ATG5: variants seen among roughly 807,000 people sequenced by gnomAD.
ATG5 encodes autophagy related 5.
A neutral mutation model predicts 36.5 loss-of-function variants in ATG5; 14 were observed. The ratio of observed to expected loss-of-function variants is 0.38; its 90% CI spans 0.25 to 0.60. The LOEUF is 0.60. Ranked by LOEUF, ATG5 falls within the 20% of genes least tolerant of loss-of-function variation. The pLI is 0.60. For synonymous variants in ATG5, 95 were observed against 101.5 expected, an observed-to-expected ratio of 0.94 and a Z score of 0.38; for missense variants, 195 against 326.7, an observed-to-expected ratio of 0.60 and a Z score of 3.11.
chr6:106,227,176 AAGAG>A (rs1489567127), intron 6 of ATG5, among the ~76,000 whole-genome samples: 1 of 152,326 alleles, frequency 6.6e-6, no homozygotes, highest in East Asian at 1.9e-4. Flanking sequence ...CTGAAATATA[AAGAG>A]AGACTCTCAA....
chr6:106,296,277 T>C (rs1181390546), intron 3 of ATG5, among the ~76,000 whole-genome samples: 3 of 152,174 alleles, frequency 2.0e-5, no homozygotes, highest in African/African-American at 4.8e-5. Flanking sequence ...CTGGACACTT[T>C]TATAAATCTA....
At chr6:106,325,065 C>A (rs2114698024) in intron 1 of ATG5, among the ~76,000 whole-genome samples, 1 of 152,332 alleles carries the variant, frequency 6.6e-6, no homozygotes, top group East Asian at 1.9e-4. Context: ...GTAAAAGTGT[C>A]TTGCCAACAG....
chr6:106,202,252 A>C (rs1776461673), intron 6 of ATG5, 163 bp from the exon 7 acceptor site: 1 of 500,156 alleles, frequency 2.0e-6, no homozygotes, highest in African/African-American at 1.9e-5. Flanking sequence ...AAAATGTTTA[A>C]CATGATAAAT....
At chr6:106,284,630 TA>T (rs1780005175) in intron 4 of ATG5, among the ~76,000 whole-genome samples, 1 of 152,118 alleles carries the variant, frequency 6.6e-6, no homozygotes, top group Non-Finnish European at 1.5e-5. Flanking sequence ...GCTGGGATTA[TA>T]GGCATGAGCC....
intron 6 of ATG5, among the ~76,000 whole-genome samples, chr6:106,232,854 C>G (rs776541688): frequency 1.4e-4 from 22 of 152,126 alleles, no homozygotes; most frequent in Non-Finnish European, 2.9e-4. Flanking sequence ...CTTAAGGATG[C>G]CTTTTTCTGC....
intron 6 of ATG5, among the ~76,000 whole-genome samples, chr6:106,218,751 T>C (rs1292626702): frequency 1.3e-5 from 2 of 152,178 alleles, no homozygotes; most frequent in Non-Finnish European, 2.9e-5. Flanking sequence ...ACTTTAAACA[T>C]GTATGCAGAG....
At chr6:106,294,355 G>A (rs1271728310) in intron 3 of ATG5, among the ~76,000 whole-genome samples, 1 of 151,828 alleles carries the variant, frequency 6.6e-6, no homozygotes, top group Non-Finnish European at 1.5e-5. Context: ...CTCTGGGCAC[G>A]ATGCTTATGG....
chr6:106,193,900 G>A (rs773427639), intron 7 of ATG5, among the ~76,000 whole-genome samples: 1 of 152,208 alleles, frequency 6.6e-6, no homozygotes, highest in Non-Finnish European at 1.5e-5. Flanking sequence ...ATTTTGGTAA[G>A]AGAATTTTGT....
intron 2 of ATG5, among the ~76,000 whole-genome samples, chr6:106,314,327 C>T (rs760246834): frequency 5.9e-5 from 9 of 152,082 alleles, no homozygotes; most frequent in African/African-American, 1.4e-4. Context: ...AAGGCCGAGG[C>T]GGGCAGATCA....
intron 5 of ATG5, among the ~76,000 whole-genome samples, chr6:106,273,535 G>A (rs571168641): frequency 6.6e-6 from 1 of 152,160 alleles, no homozygotes. Flanking sequence ...TACCACCTTC[G>A]TATTTGTAAT....
At chr6:106,194,752 G>A (rs1776110631) in intron 7 of ATG5, among the ~76,000 whole-genome samples, 1 of 152,054 alleles carries the variant, frequency 6.6e-6, no homozygotes, top group African/African-American at 2.4e-5. Flanking sequence ...GGTCAGGCTG[G>A]TCTCTAACTC....
intron 3 of ATG5, among the ~76,000 whole-genome samples, chr6:106,302,984 T>C (rs577745538): frequency 6.6e-6 from 1 of 152,156 alleles, no homozygotes; most frequent in South Asian, 2.1e-4. Flanking sequence ...TTTTGTTACA[T>C]GCATTTTACT....
At chr6:106,290,957 A>AATAC (rs1780283094) in intron 4 of ATG5, among the ~76,000 whole-genome samples, 1 of 152,236 alleles carries the variant, frequency 6.6e-6, no homozygotes, top group South Asian at 2.1e-4. Flanking sequence ...ACTGACAACA[A>AATAC]ATACTATCAC....
At chr6:106,214,198 C>T (rs1776954464) in intron 6 of ATG5, among the ~76,000 whole-genome samples, 1 of 152,058 alleles carries the variant, frequency 6.6e-6, no homozygotes, top group South Asian at 2.1e-4. Flanking sequence ...TTAAAATTAG[C>T]TTAAGAATGT....
intron 1 of ATG5, among the ~76,000 whole-genome samples, chr6:106,319,960 T>C (rs1437366644): frequency 6.6e-6 from 1 of 152,216 alleles, no homozygotes; most frequent in Non-Finnish European, 1.5e-5. Flanking sequence ...TAACAGTAGA[T>C]TATATACTAC....
intron 3 of ATG5, among the ~76,000 whole-genome samples, chr6:106,302,220 C>CA (rs1318195589): frequency 1.3e-5 from 2 of 151,828 alleles, no homozygotes; most frequent in African/African-American, 4.8e-5. Context: ...CTGGAAAGAG[C>CA]AAAAAAGATT....
At chr6:106,193,146 T>C (rs1227858905) in intron 7 of ATG5, among the ~76,000 whole-genome samples, 1 of 152,178 alleles carries the variant, frequency 6.6e-6, no homozygotes, top group Non-Finnish European at 1.5e-5. Context: ...AATGAACATA[T>C]ACAAGCTTAC....
chr6:106,206,304 G>C (rs1181328034), intron 6 of ATG5, among the ~76,000 whole-genome samples: 1 of 152,170 alleles, frequency 6.6e-6, no homozygotes, highest in African/African-American at 2.4e-5. Flanking sequence ...CTGAAGCAGA[G>C]AGCAGCCCTC....
intron 6 of ATG5, among the ~76,000 whole-genome samples, chr6:106,221,434 C>T (rs1269454767): frequency 6.6e-6 from 1 of 151,920 alleles, no homozygotes; most frequent in African/African-American, 2.4e-5. Flanking sequence ...ACCTGTAGTC[C>T]CAGCACTTTG....
Sources: gnomAD v4.1 joint callset for allele counts (sites outside exome capture counted in the v4.1 genomes callset) on GRCh38, gnomAD v4.1.1 for gene constraint, MANE v1.5 for transcripts, NCBI Gene and HGNC (gene_info 2026-07-23, HGNC 2026-07-21) for gene names.